Variants in TMPPE observed in about 807,000 individuals in gnomAD.
TMPPE encodes the protein transmembrane protein with metallophosphoesterase domain.
In TMPPE, 16 loss-of-function variants were observed where a neutral mutation model predicts 22.6. The ratio of observed to expected loss-of-function variants is 0.71; its 90% CI spans 0.48 to 1.08. The LOEUF (loss-of-function observed/expected upper bound fraction) is 1.08, where lower values mean the gene tolerates loss of function less well. Among genes scored for constraint, TMPPE ranks in the 50% least tolerant of loss-of-function variants. The pLI, the probability that TMPPE is intolerant of heterozygous loss-of-function variation, is 0.00. For synonymous variants in TMPPE, 240 were observed against 245.3 expected, an observed-to-expected ratio of 0.98 and a Z score of 0.20; for missense variants, 526 against 584.3, an observed-to-expected ratio of 0.90 and a Z score of 1.03.
At position 33,097,111 on chromosome 3, in the gene TMPPE, T is replaced by C; in HGVS notation, c.-501A>G. On this transcript the variant is annotated 5_prime_UTR_variant, in exon 1 of 2. Coordinates refer to ENST00000342462, the MANE Select transcript of TMPPE (RefSeq NM_001039770.3). ...GACCACCAGCCTCCCGGCTCTGCAG[T>C]CGGCGCCCAGGCCGGCCGCTTCGCG... The C allele has an allele frequency of 1.2e-6, 2 of 1,610,538 alleles. No homozygotes were observed. The highest frequency in any genetic ancestry group is 1.1e-5 in the South Asian group (1 of 90,622).
rs1224651908 is a variant in TMPPE at position 33,097,100 on chromosome 3, C to T, written c.-490G>A. The T allele has an allele frequency of 1.2e-6, 2 of 1,611,776 alleles. No homozygotes were observed. The highest frequency in any genetic ancestry group is 1.1e-5 in the South Asian group (1 of 90,806). ...AACCCCGGCATGACCACCAGCCTCCCGGCTCTGCAGTCGGCGCCCAGGCCG... is the reference window on the plus strand; with the variant it reads ...AACCCCGGCATGACCACCAGCCTCCTGGCTCTGCAGTCGGCGCCCAGGCCG... On this transcript the variant is annotated 5_prime_UTR_variant, in exon 1 of 2. Coordinates refer to ENST00000342462, the MANE Select transcript of TMPPE (RefSeq NM_001039770.3).
Position 33,090,763 on chromosome 3 carries a change from C to G in TMPPE, c.*2071G>C, listed in dbSNP as rs1043476357. On this transcript the variant is annotated 3_prime_UTR_variant, in exon 2 of 2. Transcript: ENST00000342462. ...CGCGTCAGGGAATACAAACCACATA[C>G]GAGAGGGTGTTGATGTTGTTTCTCA... The G allele has an allele frequency of 1.5e-5, 15 of 985,208 alleles. No homozygotes were observed. In the Admixed American group the frequency reaches 1.8e-4, roughly 12 times the overall value. The allele number at this position is 985,208 out of a possible 1,614,324, so 61.0% of individuals were successfully genotyped here. A position where few individuals can be genotyped will look rare whatever the true frequency, so the allele number is the denominator to read the frequency against.
Position 33,093,162 on chromosome 3 carries a change from G to C in TMPPE, c.1034C>G (p.Ser345Cys). ...DDIEADILHY[S>C]GHGMDLDKAL... ...CTTGTCAAGATCCATGCCATGGCCAGAGTAGTGCAGGATGTCTGCTTCAAT... is the reference window on the plus strand; with the variant it reads ...CTTGTCAAGATCCATGCCATGGCCACAGTAGTGCAGGATGTCTGCTTCAAT... The change falls in exon 2 of 2, where the codon TCT becomes TGT. Residue 345 changes from serine to cysteine, a missense_variant. Transcript: ENST00000342462. The surrounding 1 kb of genome is among the most constrained non-coding windows in gnomAD (Gnocchi z 6.0). The C allele has an allele frequency of 1.2e-6, 2 of 1,614,206 alleles. No homozygotes were observed. Among genetic ancestry groups the C allele is most frequent in the Non-Finnish European group, 1.7e-6 (2 of 1,180,040 alleles).
intron 1 of TMPPE, 140 bp from the exon 2 acceptor site, chr3:33,094,443 T>C: frequency 9.4e-7 from 1 of 1,062,346 alleles, no homozygotes. Context: ...AGCTATACTT[T>C]ATTATTCAAA....
Position 33,092,774 on chromosome 3 carries a change from T to C in TMPPE, c.*60A>G. 1 of 1,529,250 alleles carries C rather than the reference T, an allele frequency of 6.5e-7. No individual in the cohort carries two copies. Among genetic ancestry groups the C allele is most frequent in the Non-Finnish European group, 8.8e-7 (1 of 1,138,804 alleles). The allele number at this position is 1,529,250 out of a possible 1,614,324, so 94.7% of individuals were successfully genotyped here. ...GAGGGGAAAAGCAGGCAAACCACTCTGAAGCAGGATGGAGGGTCGAGGACA... is the reference window on the plus strand; with the variant it reads ...GAGGGGAAAAGCAGGCAAACCACTCCGAAGCAGGATGGAGGGTCGAGGACA... On this transcript the variant is annotated 3_prime_UTR_variant, in exon 2 of 2. Coordinates refer to ENST00000342462, the MANE Select transcript of TMPPE (RefSeq NM_001039770.3).
At position 33,093,438 on chromosome 3, in the gene TMPPE, G is replaced by A. The variant is rs183130332; in HGVS notation, c.758C>T (p.Ser253Leu). Residue 253 changes from serine (S) to leucine (L), a missense_variant, in exon 2 of 2, where the codon TCG (serine) becomes TTG (leucine). Ser to Leu is a moderately radical substitution (Grantham distance 145, BLOSUM62 -2). Coordinates refer to ENST00000342462, the MANE Select transcript of TMPPE (RefSeq NM_001039770.3). This position sits in a 1 kb window ranked among gnomAD's most constrained non-coding sequence, Gnocchi z 6.0. ...IVGDLSDSEA[S>L]VLRTAVAPLG... Reference sequence around the variant, plus strand: ...AGGAGCGACAGCCGTCCGCAGGACCGAGGCTTCTGAGTCGGAGAGGTCACC... The same window carrying A: ...AGGAGCGACAGCCGTCCGCAGGACCAAGGCTTCTGAGTCGGAGAGGTCACC... The A allele has an allele frequency of 2.1e-5, 34 of 1,614,042 alleles. No homozygotes were observed. The highest frequency in any genetic ancestry group is 4.5e-5 in the East Asian group (2 of 44,874).
In TMPPE at chr3:33,096,937, T is replaced by C; in HGVS notation, c.-327A>G. 8 of 1,560,126 alleles carry C rather than the reference T, an allele frequency of 5.1e-6. No homozygotes were observed. Among genetic ancestry groups the C allele is most frequent in the Non-Finnish European group, 6.9e-6 (8 of 1,154,604 alleles). On this transcript the variant is annotated 5_prime_UTR_variant, in exon 1 of 2. Coordinates refer to ENST00000342462, the MANE Select transcript of TMPPE (RefSeq NM_001039770.3). ...CCCGCCCTGCGGGACCGCGGGTGGC[T>C]GCGACCCCAGCCCGGTTCCCCGCCA...
chr3:33,092,744 G>A lies in TMPPE; in HGVS notation c.*90C>T, dbSNP rs1285208044. 2.6e-5 allele frequency: 40 copies of A among 1,511,936 alleles called. No individual in the cohort carries two copies. Among genetic ancestry groups the A allele is most frequent in the Non-Finnish European group, 3.5e-5 (40 of 1,132,918 alleles). The allele number at this position is 1,511,936 out of a possible 1,614,324, so 93.7% of individuals were successfully genotyped here. Reference sequence around the variant, plus strand: ...TGTGTAGGCAAGGATGAGTGGGCAAGGCTGGAGGGGAAAAGCAGGCAAACC... The same window carrying A: ...TGTGTAGGCAAGGATGAGTGGGCAAAGCTGGAGGGGAAAAGCAGGCAAACC... On this transcript the variant is annotated 3_prime_UTR_variant, in exon 2 of 2. Coordinates refer to ENST00000342462, the MANE Select transcript of TMPPE (RefSeq NM_001039770.3).
At position 33,092,430 on chromosome 3, in the gene TMPPE, A is replaced by G. The variant is rs190393798; in HGVS notation, c.*404T>C. 5 of 1,000,476 alleles carry G rather than the reference A, an allele frequency of 5.0e-6. No homozygotes were observed. In the East Asian group the frequency reaches 5.3e-4, roughly 105 times the overall value. The allele number at this position is 1,000,476 out of a possible 1,614,324, so 62.0% of individuals were successfully genotyped here. A position where few individuals can be genotyped will look rare whatever the true frequency, so the allele number is the denominator to read the frequency against. ...TCTGGAAACCACTTAAGTCCTAAAG[A>G]CAATTTTAAAACACCAGGAGAAAAA... On this transcript the variant is annotated 3_prime_UTR_variant, in exon 2 of 2. Transcript: ENST00000342462.
Position 33,093,278 on chromosome 3 carries a change from C to T in TMPPE, c.918G>A (p.Lys306=), listed in dbSNP as rs1700850150. The change falls in exon 2 of 2, where the codon AAG becomes AAA. Residue 306 remains lysine, a synonymous_variant. Coordinates refer to ENST00000342462, the MANE Select transcript of TMPPE (RefSeq NM_001039770.3). The surrounding 1 kb of genome is among the most constrained non-coding windows in gnomAD (Gnocchi z 6.0). ...HVQPLHNENV[K]ISATRAQRGG... ...CACGTTGGGCCCGTGTGGCGGAAAT[C>T]TTCACGTTCTCATTATGAAGAGGCT... The T allele has an allele frequency of 1.2e-6, 2 of 1,614,066 alleles. No individual in the cohort carries two copies. Among genetic ancestry groups the T allele is most frequent in the African/African-American group, 1.3e-5 (1 of 74,926 alleles).
chr3:33,092,933 T>G lies in TMPPE; in HGVS notation c.1263A>C (p.Thr421=). 1 of 1,614,202 alleles carries G rather than the reference T, an allele frequency of 6.2e-7. No individual in the cohort carries two copies. Among genetic ancestry groups the G allele is most frequent in the Non-Finnish European group, 8.5e-7 (1 of 1,180,028 alleles). ...FAGLYQVAQA[T]FVYVSPGTAY... ...CTGTGCCTGGGCTGACATACACGAA[T>G]GTAGCCTGGGCCACCTGGTAGAGAC... Residue 421 remains threonine, a synonymous_variant, in exon 2 of 2, where the codon ACA becomes ACC. Transcript: ENST00000342462.
rs1236390424 is a variant in TMPPE, at chr3:33,094,065, A to G, written c.131T>C (p.Leu44Pro). The G allele has an allele frequency of 6.2e-7, 1 of 1,614,240 alleles. No individual in the cohort carries two copies. The highest frequency in any genetic ancestry group is 8.5e-7 in the Non-Finnish European group (1 of 1,180,046). The stretch of plus-strand genomic sequence containing the variant: ...GACAAACAGGGCAAGCTGCAAGCGA[A>G]GCAGCCAACGCCAGGCCCTGAGCTC... Reference protein sequence around the residue: ...SLELRAWRWLLRLQLALFVNS... With the variant: ...SLELRAWRWLPRLQLALFVNS... Residue 44 changes from leucine to proline, a missense_variant, in exon 2 of 2, where the codon CTT becomes CCT. Coordinates refer to ENST00000342462, the MANE Select transcript of TMPPE (RefSeq NM_001039770.3).
Position 33,092,801 on chromosome 3 carries a change from G to A in TMPPE, c.*33C>T, listed in dbSNP as rs1700821778. The A allele has an allele frequency of 6.4e-7, 1 of 1,554,592 alleles. No individual in the cohort carries two copies. The highest frequency in any genetic ancestry group is 8.7e-7 in the Non-Finnish European group (1 of 1,149,426). The stretch of plus-strand genomic sequence containing the variant: ...AAGCAGGATGGAGGGTCGAGGACAA[G>A]GGCAGGGCAGAGGTGCACAGGGCAG... On this transcript the variant is annotated 3_prime_UTR_variant, in exon 2 of 2. Coordinates refer to ENST00000342462, the MANE Select transcript of TMPPE (RefSeq NM_001039770.3).
In TMPPE at chr3:33,094,094, G is replaced by A. The variant is rs766377963; in HGVS notation, c.102C>T (p.Ser34=). The A allele has an allele frequency of 5.6e-6, 9 of 1,614,242 alleles. No homozygotes were observed. The highest frequency in any genetic ancestry group is 1.1e-5 in the South Asian group (1 of 91,090). ...MIASRSYLAE[S]LELRAWRWLL... ...GCCAACGCCAGGCCCTGAGCTCAAG[G>A]CTCTCTGCCAGATACGAGCGGGAGG... Residue 34 remains serine (S), a synonymous_variant, in exon 2 of 2, where the codon AGC becomes AGT. Transcript: ENST00000342462.
At chr3:33,094,968 T>C (rs1700947022) in intron 1 of TMPPE, among the ~76,000 whole-genome samples, 1 of 152,220 alleles carries the variant, frequency 6.6e-6, no homozygotes, top group South Asian at 2.1e-4. Context: ...TCCAGCACTT[T>C]GGGAGGCCGA....
At position 33,094,157 on chromosome 3, in the gene TMPPE, G is replaced by A; in HGVS notation, c.39C>T (p.Ala13=). Residue 13 remains alanine, a synonymous_variant, in exon 2 of 2, where the codon GCC becomes GCT. Coordinates refer to ENST00000342462, the MANE Select transcript of TMPPE (RefSeq NM_001039770.3). ...CGAAGACAGTGACAGCAGCCAGGGT[G>A]GCCTTCGCGCCTAGGGACAGCTGCC... ...IFRQLSLGAK[A]TLAAVTVFVS... is the part of the protein sequence containing the mutation. 6.2e-7 allele frequency: 1 copy of A among 1,612,344 alleles called. No individual in the cohort carries two copies. The highest frequency in any genetic ancestry group is 8.5e-7 in the Non-Finnish European group (1 of 1,178,604).
In TMPPE at chr3:33,093,753, C is replaced by A; in HGVS notation, c.443G>T (p.Arg148Leu). Residue 148 changes from arginine (R) to leucine (L), a missense_variant, in exon 2 of 2, where the codon CGC becomes CTC. Arg to Leu is a moderately radical substitution (Grantham distance 102). Transcript: ENST00000342462. This position sits in a 1 kb window ranked among gnomAD's most constrained non-coding sequence, Gnocchi z 6.0. ...AAGGCTGCCCACGACCCTACCACTG[C>A]GCCAGGCCAAGAGCTGGTAGGCCTG... Reference protein sequence around the residue: ...MEQAYQLLAWRSGRVVGSLEK... With the variant: ...MEQAYQLLAWLSGRVVGSLEK... 1 of 1,613,736 alleles carries A rather than the reference C, an allele frequency of 6.2e-7. No individual in the cohort carries two copies. The highest frequency in any genetic ancestry group is 8.5e-7 in the Non-Finnish European group (1 of 1,179,822).
At position 33,091,943 on chromosome 3, in the gene TMPPE, C is replaced by G. The variant is rs1700781509; in HGVS notation, c.*891G>C. 1.0e-6 allele frequency: 1 copy of G among 985,168 alleles called. No homozygotes were observed. The highest frequency in any genetic ancestry group is 6.1e-5 in the Admixed American group (1 of 16,264). 61.0% of individuals were successfully genotyped at this position (985,168 alleles called of 1,614,324 possible). ...CCGCTTTTACTGGGAGGTACAAGAC[C>G]TGGTTTCTAGCCCCAAATCTCCTAC... On this transcript the variant is annotated 3_prime_UTR_variant, in exon 2 of 2. Coordinates refer to ENST00000342462, the MANE Select transcript of TMPPE (RefSeq NM_001039770.3).
rs1700745804 is a variant in TMPPE, at chr3:33,091,238, T to C, written c.*1596A>G. On this transcript the variant is annotated 3_prime_UTR_variant, in exon 2 of 2. Coordinates refer to ENST00000342462, the MANE Select transcript of TMPPE (RefSeq NM_001039770.3). Reference sequence around the variant, plus strand: ...TTCAACTCAAAGATACATTTTAAACTGCATGGTATGGCCCACTGTCAATAC... The same window carrying C: ...TTCAACTCAAAGATACATTTTAAACCGCATGGTATGGCCCACTGTCAATAC... 1 of 985,340 alleles carries C rather than the reference T, an allele frequency of 1.0e-6. No individual in the cohort carries two copies. Among genetic ancestry groups the C allele is most frequent in the Admixed American group, 6.2e-5 (1 of 16,260 alleles). The allele number at this position is 985,340 out of a possible 1,614,324, so 61.0% of individuals were successfully genotyped here.
Sources: gnomAD v4.1 joint callset for allele counts (sites outside exome capture counted in the v4.1 genomes callset) on GRCh38, gnomAD v4.1.1 for gene constraint, Gnocchi (gnomAD v3.1) non-coding constraint, MANE v1.5 for transcripts, NCBI Gene and HGNC (gene_info 2026-07-23, HGNC 2026-07-21) for gene names.